The following ZRANB3 variants were observed in gnomAD, a reference collection of about 807,000 sequenced individuals.
ZRANB3 encodes DNA annealing helicase and endonuclease ZRANB3.
ZRANB3 carries 125 observed loss-of-function variants against 133.8 expected under a neutral mutation model. That is an observed-to-expected ratio of 0.93 (90% confidence interval 0.81 to 1.08). The LOEUF is 1.08. Among genes scored for constraint, ZRANB3 ranks in the 50% least tolerant of loss-of-function variants. ZRANB3 has a pLI of 0.00. For synonymous variants in ZRANB3, 387 were observed against 432.7 expected (o/e 0.89, Z 1.31); for missense variants, 1,229 against 1,275.5 (o/e 0.96, Z 0.56).
At chr2:135,216,249 C>T (rs1164393772) in intron 17 of ZRANB3, among the ~76,000 whole-genome samples, 4 of 152,084 alleles carry the variant, frequency 2.6e-5, no homozygotes, top group Non-Finnish European at 4.4e-5. Context: ...ACCATGTTCT[C>T]GGTCCCTTGC....
At chr2:135,297,608 C>T (rs764255759) in intron 8 of ZRANB3, among the ~76,000 whole-genome samples, 3 of 152,206 alleles carry the variant, frequency 2.0e-5, no homozygotes, top group Non-Finnish European at 4.4e-5. Context: ...CAGCACTACC[C>T]AGTGAGATGA....
chr2:135,491,680 A>AT (rs1218552159), intron 2 of ZRANB3, among the ~76,000 whole-genome samples: 5 of 151,246 alleles, frequency 3.3e-5, no homozygotes, highest in African/African-American at 7.3e-5. Flanking sequence ...GGCCCAGCTA[A>AT]TTTTTTTTGT....
At chr2:135,349,576 A>G (rs542570527) in intron 5 of ZRANB3, among the ~76,000 whole-genome samples, 1 of 152,326 alleles carries the variant, frequency 6.6e-6, no homozygotes, top group African/African-American at 2.4e-5. Context: ...TTAAAGTGAA[A>G]GAAGAACAGA....
intron 1 of ZRANB3, among the ~76,000 whole-genome samples, chr2:135,525,600 C>A (rs111246678): frequency 6.6e-6 from 1 of 152,204 alleles, no homozygotes; most frequent in Non-Finnish European, 1.5e-5. Flanking sequence ...GTAATCCCAG[C>A]ACTGTGGGAG....
chr2:135,466,311 A>G (rs1485830758), intron 2 of ZRANB3, among the ~76,000 whole-genome samples: 2 of 132,158 alleles, frequency 1.5e-5, no homozygotes, highest in African/African-American at 5.8e-5. Context: ...TGAACCCGGG[A>G]GTCGGAGGTT....
intron 2 of ZRANB3, among the ~76,000 whole-genome samples, chr2:135,488,031 T>A (rs1056161069): frequency 6.6e-6 from 1 of 152,164 alleles, no homozygotes; most frequent in Non-Finnish European, 1.5e-5. Flanking sequence ...AGATGTATGA[T>A]CTTTCCTTCT....
intron 2 of ZRANB3, among the ~76,000 whole-genome samples, chr2:135,453,595 T>C (rs1484910048): frequency 2.0e-5 from 3 of 152,202 alleles, no homozygotes; most frequent in Non-Finnish European, 4.4e-5. Context: ...CACAAATCTC[T>C]AGGGCAGGGG....
At chr2:135,326,212 T>A (rs1683813569) in intron 6 of ZRANB3, among the ~76,000 whole-genome samples, 7 of 152,208 alleles carry the variant, frequency 4.6e-5, no homozygotes, top group Admixed American at 4.6e-4. Flanking sequence ...AAGTGCATTT[T>A]AATTATGTAA....
intron 6 of ZRANB3, among the ~76,000 whole-genome samples, chr2:135,344,353 G>T (rs1409378682): frequency 6.6e-6 from 1 of 152,214 alleles, no homozygotes. Flanking sequence ...ATTCATTGCT[G>T]CATTGTATGC....
intron 11 of ZRANB3, among the ~76,000 whole-genome samples, chr2:135,267,762 T>G (rs921901285): frequency 6.6e-6 from 1 of 152,146 alleles, no homozygotes; most frequent in Admixed American, 6.5e-5. Flanking sequence ...ATCCAGTGCT[T>G]AAAAAACATT....
chr2:135,413,199 G>A (rs1405988103), intron 2 of ZRANB3, among the ~76,000 whole-genome samples: 2 of 152,156 alleles, frequency 1.3e-5, no homozygotes, highest in Admixed American at 1.3e-4. Context: ...GAACATTGCT[G>A]AGTAAGGATA....
rs1044662365 is a variant in ZRANB3, at chr2:135,200,092, T to G, written c.*250A>C. The G allele has an allele frequency of 2.5e-5, 14 of 550,580 alleles. No homozygotes were observed. Among genetic ancestry groups the G allele is most frequent in the African/African-American group, 1.9e-4 (10 of 52,502 alleles). 34.1% of individuals were successfully genotyped at this position (550,580 alleles called of 1,614,324 possible). A position where few individuals can be genotyped will look rare whatever the true frequency, so the allele number is the denominator to read the frequency against. ...AGGGGTAAAGAGCTTTACAAAACAT[T>G]GCTGAAACATAATTGCGAGTCTGAA... On this transcript the variant is annotated 3_prime_UTR_variant, in exon 21 of 21. Transcript: ENST00000264159.
chr2:135,246,039 C>CTTTCTT (rs1695786229), intron 12 of ZRANB3, among the ~76,000 whole-genome samples: 4 of 100,424 alleles, frequency 4.0e-5, no homozygotes, highest in African/African-American at 1.6e-4. Flanking sequence ...TTCTTTCTTT[C>CTTTCTT]TTTTTTTTTT....
intron 2 of ZRANB3, among the ~76,000 whole-genome samples, chr2:135,424,091 G>T (rs1346497376): frequency 6.6e-6 from 1 of 152,128 alleles, no homozygotes; most frequent in East Asian, 1.9e-4. Context: ...AAACACTGAT[G>T]ATTTAAAAAG....
At chr2:135,519,088 A>G (rs533389552) in intron 1 of ZRANB3, among the ~76,000 whole-genome samples, 10 of 152,282 alleles carry the variant, frequency 6.6e-5, no homozygotes, top group African/African-American at 2.4e-4. Flanking sequence ...ACAAAATTTT[A>G]GAAATGGATA....
chr2:135,295,536 G>T (rs1316165946), intron 8 of ZRANB3, among the ~76,000 whole-genome samples: 3 of 152,042 alleles, frequency 2.0e-5, no homozygotes, highest in African/African-American at 7.3e-5. Context: ...TATCCAATTT[G>T]CCAGTCTGTG....
chr2:135,317,513 C>G (rs1052124693), intron 6 of ZRANB3, among the ~76,000 whole-genome samples: 1 of 152,162 alleles, frequency 6.6e-6, no homozygotes, highest in African/African-American at 2.4e-5. Context: ...TAGCTGGAGG[C>G]CTTTTGGTAT....
chr2:135,259,005 C>T lies in ZRANB3; in HGVS notation c.1539+6529G>A, dbSNP rs112585187. Among the ~76,000 whole-genome samples, 451 of 152,214 alleles carry T rather than the reference C, an allele frequency of 3.0e-3. 3 individuals carry two copies. Among genetic ancestry groups the T allele is most frequent in the African/African-American group, 0.01 (420 of 41,536 alleles). On this transcript the variant is annotated intron_variant, in intron 12 of 20. Coordinates refer to ENST00000264159, the MANE Select transcript of ZRANB3 (RefSeq NM_032143.4). ...ACAATGTTGGCATTTAATTTAAAAA[C>T]GTGTTTTCTTTTTGAATTTTGAGAA... is the stretch of plus-strand genomic sequence containing the variant.
At chr2:135,297,778 G>T (rs544506969) in intron 8 of ZRANB3, among the ~76,000 whole-genome samples, 4 of 152,164 alleles carry the variant, frequency 2.6e-5, no homozygotes, top group Non-Finnish European at 5.9e-5. Flanking sequence ...TTCGATCTCT[G>T]AAGTTCTTTA....
Sources: allele counts gnomAD v4.1 joint callset (sites outside exome capture counted in the v4.1 genomes callset), GRCh38; gene constraint gnomAD v4.1.1; transcripts MANE v1.5; gene names NCBI Gene and HGNC (gene_info 2026-07-23, HGNC 2026-07-21).